UGGT2: variants seen among roughly 807,000 people sequenced by gnomAD.
UGGT2 encodes UDP-glucose glycoprotein glucosyltransferase 2.
In UGGT2, 180 loss-of-function variants were observed where a neutral mutation model predicts 192.1. That is an observed-to-expected ratio of 0.94 (90% CI 0.83 to 1.06). The LOEUF (loss-of-function observed/expected upper bound fraction) is 1.06. Ranked by LOEUF, UGGT2 falls within the 50% of genes least tolerant of loss-of-function variation. The pLI is 0.00. For synonymous variants in UGGT2, 580 were observed against 591.0 expected, an observed-to-expected ratio of 0.98 and a Z score of 0.27; for missense variants, 1,849 against 1,795.7, an observed-to-expected ratio of 1.03 and a Z score of -0.54.
At position 96,033,710 on chromosome 13, in the gene UGGT2, C is replaced by T. The variant is rs576381205; in HGVS notation, c.159-1739G>A. On this transcript the variant is annotated intron_variant, in intron 1 of 38. Transcript: ENST00000376747. ...CCTGAGCCTAGAAGCTGCCACAACC[C>T]GGCTGGTTGTACATGTTTGGGGTAG... 1.0e-3 allele frequency among the ~76,000 whole-genome samples: 154 copies of T among 152,306 alleles called. 1 individual carries two copies. Among genetic ancestry groups the T allele is most frequent in the African/African-American group, 3.4e-3 (141 of 41,576 alleles).
rs1305194706 is a variant in UGGT2 at position 95,847,671 on chromosome 13, T to C, written c.4284+5872A>G. Among the ~76,000 whole-genome samples, 6 of 152,222 alleles carry C rather than the reference T, an allele frequency of 3.9e-5. No homozygotes were observed. The East Asian group carries it at 1.2e-3, about 29-fold the overall frequency. On this transcript the variant is annotated intron_variant, in intron 36 of 38. Coordinates refer to ENST00000376747, the MANE Select transcript of UGGT2 (RefSeq NM_020121.4). Reference sequence around the variant, plus strand: ...TTTAACTCTTAATAATATTCCATGGTCTGGATGTACCCGTTTCTTTACTGA... The same window carrying C: ...TTTAACTCTTAATAATATTCCATGGCCTGGATGTACCCGTTTCTTTACTGA...
At chr13:96,026,772 C>T (rs865977388) in intron 2 of UGGT2, among the ~76,000 whole-genome samples, 4 of 151,262 alleles carry the variant, frequency 2.6e-5, no homozygotes, top group South Asian at 2.1e-4. Flanking sequence ...CCCAGGTTCA[C>T]GCCATTCTCC....
Position 95,845,224 on chromosome 13 carries a change from G to A in UGGT2, c.4285-8022C>T, listed in dbSNP as rs187444158. 3.2e-3 allele frequency among the ~76,000 whole-genome samples: 482 copies of A among 151,882 alleles called. 3 individuals are homozygous for A. The highest frequency in any genetic ancestry group is 0.011 in the African/African-American group (460 of 41,396). On this transcript the variant is annotated intron_variant, in intron 36 of 38. Transcript: ENST00000376747. ...TGATCATTCTTGGGTGTTTCTCGGA[G>A]AGCGGGATTTGGCGGGGTCATAGGA...
At chr13:95,821,234 C>T (rs1464710851) in intron 38 of UGGT2, among the ~76,000 whole-genome samples, 1 of 152,118 alleles carries the variant, frequency 6.6e-6, no homozygotes, top group African/African-American at 2.4e-5. Flanking sequence ...CTTTTCACCA[C>T]ATCCATGCCA....
intron 10 of UGGT2, among the ~76,000 whole-genome samples, chr13:95,978,608 T>C (rs946120160): frequency 3.3e-5 from 5 of 152,186 alleles, no homozygotes; most frequent in Non-Finnish European, 5.9e-5. Context: ...CATAGACCAA[T>C]GTCCTAAAGC....
chr13:95,903,075 A>G lies in UGGT2; in HGVS notation c.2296-15T>C. The G allele has an allele frequency of 3.1e-6, 5 of 1,600,388 alleles. No individual in the cohort carries two copies. The highest frequency in any genetic ancestry group is 3.4e-6 in the Non-Finnish European group (4 of 1,175,926). On this transcript the variant is annotated splice_polypyrimidine_tract_variant and intron_variant, in intron 20 of 38. Coordinates refer to ENST00000376747, the MANE Select transcript of UGGT2 (RefSeq NM_020121.4). ...ACACTTGTTTTCTGCAAACATATTT[A>G]TAGATTAAAAAGACCAGTATCATAC...
intron 10 of UGGT2, among the ~76,000 whole-genome samples, chr13:95,976,717 T>C (rs1305404438): frequency 1.3e-5 from 2 of 152,144 alleles, no homozygotes; most frequent in African/African-American, 2.4e-5. Context: ...AAATTTCATA[T>C]GGAACCAGAA....
At chr13:95,925,649 A>G in intron 20 of UGGT2, 31 bp downstream of exon 20, 1 of 1,364,466 alleles carries the variant, frequency 7.3e-7, no homozygotes, top group South Asian at 1.6e-5. Flanking sequence ...AAATAAATTA[A>G]AATTGTTAGT....
chr13:95,946,365 T>A (rs1194646161), intron 15 of UGGT2, among the ~76,000 whole-genome samples: 2 of 152,182 alleles, frequency 1.3e-5, no homozygotes, highest in Non-Finnish European at 2.9e-5. Flanking sequence ...TATTTAACTC[T>A]GCAATGATTT....
chr13:95,835,496 T>C (rs1398640072), intron 37 of UGGT2, among the ~76,000 whole-genome samples: 1 of 152,256 alleles, frequency 6.6e-6, no homozygotes, highest in Non-Finnish European at 1.5e-5. Flanking sequence ...CTCTTAAAAA[T>C]GCCTTTTTAT....
intron 5 of UGGT2, among the ~76,000 whole-genome samples, chr13:96,002,484 C>T (rs2051838337): frequency 6.6e-6 from 1 of 152,166 alleles, no homozygotes; most frequent in Admixed American, 6.6e-5. Flanking sequence ...TTATTCACTG[C>T]TACATGAACC....
chr13:95,965,309 C>G lies in UGGT2; in HGVS notation c.1335+4803G>C, dbSNP rs541404371. 7.3e-5 allele frequency among the ~76,000 whole-genome samples: 11 copies of G among 150,720 alleles called. No homozygotes were observed. The South Asian group carries it at 1.7e-3, about 23-fold the overall frequency. ...ATGCACATGTATGTTTATTGCGGCA[C>G]TATTCACAATAGCAAAGACTTGGAA... On this transcript the variant is annotated intron_variant, in intron 12 of 38. Coordinates refer to ENST00000376747, the MANE Select transcript of UGGT2 (RefSeq NM_020121.4).
Position 95,860,786 on chromosome 13 carries a change from A to G in UGGT2, c.3740+2T>C, listed in dbSNP as rs928261141. The G allele has an allele frequency of 1.3e-6, 2 of 1,492,342 alleles. No individual in the cohort carries two copies. Among genetic ancestry groups the G allele is most frequent in the Non-Finnish European group, 1.8e-6 (2 of 1,115,532 alleles). 92.4% of individuals were successfully genotyped at this position (1,492,342 alleles called of 1,614,324 possible). A position where few individuals can be genotyped will look rare whatever the true frequency, so the allele number is the denominator to read the frequency against. The stretch of plus-strand genomic sequence containing the variant: ...AAATATAAGGTTAAAAAATATACCT[A>G]CCTTAAAAAACGTTCATATAAATGA... On this transcript the variant is annotated splice_donor_variant, in intron 32 of 38. Coordinates refer to ENST00000376747, the MANE Select transcript of UGGT2 (RefSeq NM_020121.4). LOFTEE classifies it high-confidence loss of function.
intron 7 of UGGT2, among the ~76,000 whole-genome samples, chr13:95,994,647 T>C (rs2051561236): frequency 6.6e-6 from 1 of 151,986 alleles, no homozygotes; most frequent in African/African-American, 2.4e-5. Flanking sequence ...TTTAAAAACT[T>C]CCTAAACAAG....
At chr13:95,895,983 C>T (rs2047933566) in intron 22 of UGGT2, among the ~76,000 whole-genome samples, 1 of 151,980 alleles carries the variant, frequency 6.6e-6, no homozygotes, top group Non-Finnish European at 1.5e-5. Flanking sequence ...CTCAGAATGG[C>T]TCTCCCATCA....
chr13:96,032,030 A>C (rs1358694580), intron 1 of UGGT2, 59 bp from the exon 2 acceptor site: 1 of 1,292,480 alleles, frequency 7.7e-7, no homozygotes, highest in African/African-American at 1.5e-5. Context: ...TTTAGATACT[A>C]TAAACTGTAC....
At chr13:95,859,385 C>T (rs1889934792) in intron 33 of UGGT2, among the ~76,000 whole-genome samples, 1 of 152,040 alleles carries the variant, frequency 6.6e-6, no homozygotes, top group Non-Finnish European at 1.5e-5. Context: ...TTTGATTTTA[C>T]TTAAAAATAT....
At position 95,925,889 on chromosome 13, in the gene UGGT2, G is replaced by A. The variant is rs369565151; in HGVS notation, c.2201-115C>T. On this transcript the variant is annotated intron_variant, in intron 19 of 38. Coordinates refer to ENST00000376747, the MANE Select transcript of UGGT2 (RefSeq NM_020121.4). The stretch of plus-strand genomic sequence containing the variant: ...AAAATTAAAATAATATTTCTGAAAA[G>A]CAAAGATTTTTAAAATGTTATGTGT... 4 of 615,852 alleles carry A rather than the reference G, an allele frequency of 6.5e-6. No individual in the cohort carries two copies. In the East Asian group the frequency reaches 9.4e-5, roughly 14 times the overall value. 38.1% of individuals were successfully genotyped at this position (615,852 alleles called of 1,614,324 possible).
chr13:95,940,134 A>T (rs757805434), intron 15 of UGGT2, 43 bp from the exon 16 acceptor site: 1 of 1,362,924 alleles, frequency 7.3e-7, no homozygotes, highest in Non-Finnish European at 9.8e-7. Flanking sequence ...TTCTTATAGC[A>T]ATTAGTTTTC....
Sources: allele counts gnomAD v4.1 joint callset (sites outside exome capture counted in the v4.1 genomes callset), GRCh38; gene constraint gnomAD v4.1.1; transcripts MANE v1.5; gene names NCBI Gene and HGNC (gene_info 2026-07-23, HGNC 2026-07-21).